NLGN1: variants seen among roughly 807,000 people sequenced by gnomAD.
NLGN1 encodes neuroligin 1, also known as neuroligin-1.
A neutral mutation model predicts 65.5 loss-of-function variants in NLGN1; 12 were observed. That is an observed-to-expected ratio of 0.18 (90% CI 0.12 to 0.30). The LOEUF is 0.30. Among genes scored for constraint, NLGN1 ranks in the 10% least tolerant of loss-of-function variants. NLGN1 has a pLI of 1.00. For missense variants in NLGN1, 750 were observed against 1,007.1 expected (o/e 0.74, Z 3.46); for synonymous variants, 350 against 359.5 (o/e 0.97, Z 0.30).
At chr3:174,264,256 T>C (rs1190381251) in intron 4 of NLGN1, among the ~76,000 whole-genome samples, 1 of 151,636 alleles carries the variant, frequency 6.6e-6, no homozygotes, top group Non-Finnish European at 1.5e-5. Context: ...GAAGTTCTCC[T>C]GGATAATATC....
At chr3:174,193,260 G>T (rs77173805) in intron 4 of NLGN1, among the ~76,000 whole-genome samples, 333 of 152,184 alleles carry the variant, frequency 2.2e-3, no homozygotes, top group African/African-American at 7.2e-3. Flanking sequence ...AATGCCTTGC[G>T]ACTGCTTCCA....
intron 4 of NLGN1, among the ~76,000 whole-genome samples, chr3:174,144,748 C>T (rs1272184589): frequency 6.6e-6 from 1 of 152,196 alleles, no homozygotes; most frequent in Admixed American, 6.5e-5. Context: ...CCTTTGCCCA[C>T]TTTTTGATGG....
At chr3:173,514,504 A>G (rs1733511127) in intron 2 of NLGN1, among the ~76,000 whole-genome samples, 1 of 151,908 alleles carries the variant, frequency 6.6e-6, no homozygotes, top group Admixed American at 6.6e-5. Flanking sequence ...AATTTTAATT[A>G]TGGTAAAACC....
chr3:173,653,931 A>G (rs1039098516), intron 3 of NLGN1, among the ~76,000 whole-genome samples: 6 of 152,122 alleles, frequency 3.9e-5, no homozygotes, highest in South Asian at 2.1e-4. Flanking sequence ...ACAGGAGCCA[A>G]TTATCCTTGT....
chr3:173,997,040 C>CT (rs1223454805), intron 4 of NLGN1, among the ~76,000 whole-genome samples: 1 of 151,516 alleles, frequency 6.6e-6, no homozygotes, highest in Non-Finnish European at 1.5e-5. Context: ...TGGGTTATGT[C>CT]TTTTTTTTAA....
At chr3:173,586,262 C>T (rs1157561510) in intron 2 of NLGN1, among the ~76,000 whole-genome samples, 1 of 151,942 alleles carries the variant, frequency 6.6e-6, no homozygotes, top group East Asian at 1.9e-4. Flanking sequence ...AAAGTGTTAC[C>T]TTTTTTCAGG....
At chr3:174,197,725 G>A (rs1333218921) in intron 4 of NLGN1, among the ~76,000 whole-genome samples, 1 of 142,920 alleles carries the variant, frequency 7.0e-6, no homozygotes, top group Non-Finnish European at 1.5e-5. Flanking sequence ...CCATGGTTGT[G>A]ACTTTCAAAA....
At chr3:173,508,299 A>G (rs537795180) in intron 2 of NLGN1, among the ~76,000 whole-genome samples, 12 of 152,176 alleles carry the variant, frequency 7.9e-5, no homozygotes, top group African/African-American at 1.2e-4. Context: ...TATTTGATCA[A>G]TGAGGTAATA....
intron 3 of NLGN1, among the ~76,000 whole-genome samples, chr3:173,659,825 A>G (rs1190902765): frequency 4.6e-5 from 7 of 151,674 alleles, no homozygotes; most frequent in Admixed American, 4.0e-4. Flanking sequence ...CATCATTTGC[A>G]TGCTTGTGTT....
chr3:173,571,365 C>A lies in NLGN1; in HGVS notation c.-320-32914C>A, dbSNP rs113112900. ...CTGTTATTCTTAAGGAAAATATTAC[C>A]TACGCTGAAAGCTGTCTCTAGGTGT... On this transcript the variant is annotated intron_variant, in intron 2 of 6. Transcript: ENST00000457714. Among the ~76,000 whole-genome samples the A allele has an allele frequency of 2.4e-3, 366 of 152,158 alleles. 2 individuals carry two copies. The highest frequency in any genetic ancestry group is 8.6e-3 in the African/African-American group (356 of 41,526).
At chr3:173,686,782 A>G (rs919383092) in intron 3 of NLGN1, among the ~76,000 whole-genome samples, 4 of 152,020 alleles carry the variant, frequency 2.6e-5, no homozygotes, top group African/African-American at 7.2e-5. Context: ...GTGAAACCCC[A>G]TCTCTACTAA....
chr3:173,926,758 C>G (rs4462998), intron 4 of NLGN1, among the ~76,000 whole-genome samples: 148,126 of 152,314 alleles, frequency 0.97, 72,054 homozygotes, highest in East Asian at 1. Context: ...TTTAGAAACT[C>G]TGTTTGCGAG....
At chr3:173,948,517 C>G (rs955246481) in intron 4 of NLGN1, among the ~76,000 whole-genome samples, 3 of 152,106 alleles carry the variant, frequency 2.0e-5, no homozygotes, top group Non-Finnish European at 4.4e-5. Flanking sequence ...AATTTGTCCT[C>G]TGTAGAAGGG....
intron 4 of NLGN1, among the ~76,000 whole-genome samples, chr3:174,145,958 C>T (rs914598566): frequency 2.0e-5 from 3 of 152,252 alleles, no homozygotes; most frequent in African/African-American, 7.2e-5. Flanking sequence ...TACATCATGA[C>T]TAGTGTGTGT....
At chr3:174,157,902 T>C (rs1725752160) in intron 4 of NLGN1, among the ~76,000 whole-genome samples, 1 of 151,772 alleles carries the variant, frequency 6.6e-6, no homozygotes, top group Non-Finnish European at 1.5e-5. Flanking sequence ...ACTCCCACTA[T>C]TTTTCTTTAA....
chr3:173,464,805 A>G (rs530772), intron 2 of NLGN1, among the ~76,000 whole-genome samples: 2,509 of 152,324 alleles, frequency 0.016, 23 homozygotes, highest in Non-Finnish European at 0.025. Flanking sequence ...GAGTCAGCCT[A>G]TCTTTAGAAA....
chr3:173,953,513 G>T (rs904614006), intron 4 of NLGN1, among the ~76,000 whole-genome samples: 42 of 151,912 alleles, frequency 2.8e-4, no homozygotes, highest in African/African-American at 8.9e-4. Flanking sequence ...ACTGCCTGAG[G>T]CCATTTTATT....
chr3:173,644,717 G>C (rs2149604346), intron 3 of NLGN1: 1 of 153,574 alleles, frequency 6.5e-6, no homozygotes, highest in African/African-American at 2.4e-5. Context: ...GACTGACTGA[G>C]AGTAGAGAGG....
intron 4 of NLGN1, among the ~76,000 whole-genome samples, chr3:173,951,693 C>T (rs1224798577): frequency 1.3e-5 from 2 of 151,906 alleles, no homozygotes; most frequent in Admixed American, 1.3e-4. Context: ...GAACTCCTGA[C>T]CTCGTGTTCT....
Sources: gnomAD v4.1 joint callset for allele counts (sites outside exome capture counted in the v4.1 genomes callset) on GRCh38, gnomAD v4.1.1 for gene constraint, MANE v1.5 for transcripts, NCBI Gene and HGNC (gene_info 2026-07-23, HGNC 2026-07-21) for gene names.